Variants in YEATS2 observed in about 807,000 individuals in gnomAD.
The protein encoded by YEATS2 is YEATS domain-containing protein 2.
YEATS2 carries 77 observed loss-of-function variants against 163.2 expected under a neutral mutation model. The ratio of observed to expected loss-of-function variants is 0.47; its 90% CI spans 0.39 to 0.57. The LOEUF is 0.57. Among genes scored for constraint, YEATS2 ranks in the 20% least tolerant of loss-of-function variants. The pLI is 0.00. For synonymous variants in YEATS2, 631 were observed against 645.1 expected, an observed-to-expected ratio of 0.98 and a Z score of 0.33; for missense variants, 1,549 against 1,729.8, an observed-to-expected ratio of 0.90 and a Z score of 1.85.
chr3:183,789,799 A>C (rs1724433491), intron 20 of YEATS2, among the ~76,000 whole-genome samples: 1 of 151,752 alleles, frequency 6.6e-6, no homozygotes, highest in African/African-American at 2.4e-5. Context: ...TTGGCCTCCC[A>C]AAGTGCTGGG....
intron 8 of YEATS2, among the ~76,000 whole-genome samples, chr3:183,737,367 A>G (rs1191903367): frequency 6.6e-6 from 1 of 152,194 alleles, no homozygotes; most frequent in East Asian, 1.9e-4. Flanking sequence ...GGGAAGAGAT[A>G]CTATTTCTGA....
intron 21 of YEATS2, among the ~76,000 whole-genome samples, chr3:183,792,319 C>T (rs114999388): frequency 0.012 from 1,769 of 152,068 alleles, 42 homozygotes; most frequent in African/African-American, 0.041. Context: ...CAACAGGCCA[C>T]GGTGTGTGAT....
chr3:183,712,229 G>GTTATGTT (rs1715347256), intron 1 of YEATS2, among the ~76,000 whole-genome samples: 2 of 63,846 alleles, frequency 3.1e-5, no homozygotes, highest in Admixed American at 1.7e-4. Flanking sequence ...TTTATTTTTT[G>GTTATGTT]AGACAGAGTC....
rs370000530 is a variant in YEATS2, at chr3:183,800,600, C to T, written c.3428+32C>T. ...CTTCCAATCTTTCCTAAAGGAATTC[C>T]GCTTCGGGTGTTTGTCACGCCTGTG... On this transcript the variant is annotated intron_variant, in intron 24 of 30. Coordinates refer to ENST00000305135, the MANE Select transcript of YEATS2 (RefSeq NM_018023.5). 2.1e-5 allele frequency: 33 copies of T among 1,580,818 alleles called. No individual in the cohort carries two copies. In the East Asian group the frequency reaches 4.5e-4, roughly 21 times the overall value.
At chr3:183,747,757 A>G (rs1243889512) in intron 9 of YEATS2, 41 bp downstream of exon 9, 4 of 1,576,214 alleles carry the variant, frequency 2.5e-6, no homozygotes, top group South Asian at 2.2e-5. Context: ...AATGAGTAGG[A>G]TGAAAATTGA....
chr3:183,724,205 C>G (rs1346964268), intron 5 of YEATS2, among the ~76,000 whole-genome samples: 1 of 152,156 alleles, frequency 6.6e-6, no homozygotes, highest in Admixed American at 6.5e-5. Context: ...CTATTAAAAA[C>G]ACACCGGGAG....
intron 21 of YEATS2, among the ~76,000 whole-genome samples, chr3:183,791,433 T>C (rs956776799): frequency 6.6e-6 from 1 of 152,236 alleles, no homozygotes; most frequent in Non-Finnish European, 1.5e-5. Context: ...AGATGAATTA[T>C]TTTTGTTTAA....
chr3:183,811,168 A>G lies in YEATS2; in HGVS notation c.*585A>G, dbSNP rs1726764039. On this transcript the variant is annotated 3_prime_UTR_variant, in exon 31 of 31. Transcript: ENST00000305135. ...TGAAGGCCTGAGAGACGGCAGACTG[A>G]GCAGAATTCCTTTTTTGAGCACGAG... 6.5e-6 allele frequency: 1 copy of G among 153,236 alleles called. No individual in the cohort carries two copies. Among genetic ancestry groups the G allele is most frequent in the Non-Finnish European group, 1.5e-5 (1 of 68,854 alleles). The allele number at this position is 153,236 out of a possible 1,614,324, so 9.5% of individuals were successfully genotyped here. A position where few individuals can be genotyped will look rare whatever the true frequency, so the allele number is the denominator to read the frequency against.
chr3:183,758,815 T>C (rs1179218437), intron 12 of YEATS2, 47 bp from the exon 13 acceptor site: 3 of 1,279,462 alleles, frequency 2.3e-6, no homozygotes, highest in Non-Finnish European at 2.2e-6. Context: ...AAATTACCTT[T>C]TGTAAATTTT....
rs181261446 is a variant in YEATS2 at position 183,748,550 on chromosome 3, C to T, written c.969+834C>T. ...CCTCCCAAAGTGCTGGGATTACAGGCGTGAGCCACCACACCAGGCTTTCTC... is the reference window on the plus strand; with the variant it reads ...CCTCCCAAAGTGCTGGGATTACAGGTGTGAGCCACCACACCAGGCTTTCTC... On this transcript the variant is annotated intron_variant, in intron 9 of 30. Transcript: ENST00000305135. Among the ~76,000 whole-genome samples the T allele has an allele frequency of 2.6e-5, 4 of 152,120 alleles. No individual in the cohort carries two copies. The East Asian group carries it at 5.8e-4, about 22-fold the overall frequency.
chr3:183,807,143 A>G (rs1185134923), intron 28 of YEATS2, 51 bp downstream of exon 28: 4 of 1,531,006 alleles, frequency 2.6e-6, no homozygotes, highest in Non-Finnish European at 3.6e-6. Context: ...TCAGAGCTAG[A>G]TGTTCAGACG....
chr3:183,715,531 A>G (rs1715759847), intron 2 of YEATS2, among the ~76,000 whole-genome samples: 2 of 152,216 alleles, frequency 1.3e-5, no homozygotes, highest in Non-Finnish European at 2.9e-5. Context: ...TGTAATCATA[A>G]AGTCTATGAT....
In YEATS2 at chr3:183,722,101, A is replaced by C; in HGVS notation, c.502A>C (p.Asn168His). Residue 168 changes from asparagine (N) to histidine (H), a missense_variant, in exon 5 of 31, where the codon AAC becomes CAC. Transcript: ENST00000305135. ...GGATATAGAGGAAAGACTCTCAAAC[A>C]ACATGGAGCAGAGACCAAGCCGAAA... Reference protein sequence around the residue: ...NMDIEERLSNNMEQRPSRNTG... With the variant: ...NMDIEERLSNHMEQRPSRNTG... 1 of 1,614,064 alleles carries C rather than the reference A, an allele frequency of 6.2e-7. No individual in the cohort carries two copies. Among genetic ancestry groups the C allele is most frequent in the Non-Finnish European group, 8.5e-7 (1 of 1,180,002 alleles).
At chr3:183,778,004 C>G (rs558734527) in intron 19 of YEATS2, among the ~76,000 whole-genome samples, 1 of 150,042 alleles carries the variant, frequency 6.7e-6, no homozygotes, top group South Asian at 2.1e-4. Flanking sequence ...CCCAGCTACT[C>G]GGGAGGCTAA....
intron 7 of YEATS2, 146 bp downstream of exon 7, chr3:183,728,997 G>A (rs960698707): frequency 2.2e-6 from 2 of 889,766 alleles, no homozygotes; most frequent in Non-Finnish European, 3.3e-6. Flanking sequence ...TGGAGGCCGG[G>A]TGGGGTGGCT....
intron 12 of YEATS2, among the ~76,000 whole-genome samples, chr3:183,758,511 C>G (rs1247838572): frequency 6.6e-6 from 1 of 152,064 alleles, no homozygotes; most frequent in African/African-American, 2.4e-5. Context: ...AGGAGTAGAA[C>G]ATACAAGTAG....
chr3:183,724,422 A>G lies in YEATS2; in HGVS notation c.541A>G (p.Thr181Ala), dbSNP rs1716849513. The change falls in exon 6 of 31, where the codon ACT (threonine) becomes GCT (alanine). Residue 181 changes from threonine to alanine, a missense_variant. Thr to Ala is a moderately conservative substitution (Grantham distance 58). Transcript: ENST00000305135. Reference sequence around the variant, plus strand: ...TGTTGATTATGATTTTTTTCAGGATACTTCTAGAATTACTGGCTCCCATAA... The same window carrying G: ...TGTTGATTATGATTTTTTTCAGGATGCTTCTAGAATTACTGGCTCCCATAA... ...QRPSRNTGRD[T>A]SRITGSHKTE... The G allele has an allele frequency of 6.2e-7, 1 of 1,607,686 alleles. No individual in the cohort carries two copies. Among genetic ancestry groups the G allele is most frequent in the African/African-American group, 1.3e-5 (1 of 74,600 alleles).
In YEATS2 at chr3:183,790,902, G is replaced by C. The variant is rs553457288; in HGVS notation, c.3019G>C (p.Ala1007Pro). 1.3e-4 allele frequency: 207 copies of C among 1,613,998 alleles called. No individual in the cohort carries two copies. Among genetic ancestry groups the C allele is most frequent in the Non-Finnish European group, 1.7e-4 (200 of 1,180,034 alleles). Residue 1007 changes from alanine to proline, a missense_variant, in exon 21 of 31, where the codon GCT becomes CCT. Coordinates refer to ENST00000305135, the MANE Select transcript of YEATS2 (RefSeq NM_018023.5). ...VSQATVGTCK[A>P]ATPTVVSATS... ...CCAGGCCACCGTGGGAACCTGCAAG[G>C]CTGCCACCCCCACCGTCGTCAGCGC...
At chr3:183,743,941 A>G (rs574026537) in intron 8 of YEATS2, among the ~76,000 whole-genome samples, 1 of 152,052 alleles carries the variant, frequency 6.6e-6, no homozygotes, top group African/African-American at 2.4e-5. Flanking sequence ...GATAGGTGGG[A>G]CTGCTTAACC....
Sources: gnomAD v4.1 joint callset for allele counts (sites outside exome capture counted in the v4.1 genomes callset) on GRCh38, gnomAD v4.1.1 for gene constraint, MANE v1.5 for transcripts, NCBI Gene and HGNC (gene_info 2026-07-23, HGNC 2026-07-21) for gene names.